The following PITPNM2 variants were observed in gnomAD, a reference collection of about 807,000 sequenced individuals.
PITPNM2 encodes membrane-associated phosphatidylinositol transfer protein 2.
Under a neutral mutation model 132.2 loss-of-function variants are expected in PITPNM2, and 35 were observed. The ratio of observed to expected loss-of-function variants is 0.26; its 90% CI spans 0.20 to 0.35. The LOEUF is 0.35. Ranked by LOEUF, PITPNM2 falls within the 10% of genes least tolerant of loss-of-function variation. The probability of loss-of-function intolerance (pLI) is 1.00; values close to 1 mark genes in which losing one functional copy is unlikely to be tolerated. For synonymous variants in PITPNM2, 738 were observed against 799.2 expected (o/e 0.92, Z 1.29); for missense variants, 1,332 against 1,912.0 (o/e 0.70, Z 5.66).
chr12:123,054,302 C>T (rs967911484), intron 2 of PITPNM2, among the ~76,000 whole-genome samples: 6 of 152,098 alleles, frequency 3.9e-5, no homozygotes, highest in African/African-American at 1.4e-4. Context: ...TTTCACTACA[C>T]CTTTTCAGGA....
intron 1 of PITPNM2, among the ~76,000 whole-genome samples, chr12:123,119,601 G>A (rs1406698244): frequency 2.6e-5 from 4 of 151,626 alleles, no homozygotes; most frequent in East Asian, 3.9e-4. Flanking sequence ...CTCGTGATCC[G>A]CCCGCCTCGG....
intron 2 of PITPNM2, among the ~76,000 whole-genome samples, chr12:123,057,960 C>T (rs1009662870): frequency 6.6e-6 from 1 of 152,182 alleles, no homozygotes; most frequent in African/African-American, 2.4e-5. Context: ...ATGTGACCCT[C>T]CGTGCCAGCT....
chr12:123,040,726 T>A (rs1032508964), intron 2 of PITPNM2, among the ~76,000 whole-genome samples: 5 of 152,212 alleles, frequency 3.3e-5, no homozygotes, highest in East Asian at 1.9e-4. Flanking sequence ...GATACTTTTT[T>A]AAAAAAAGAT....
intron 2 of PITPNM2, among the ~76,000 whole-genome samples, chr12:123,101,298 A>T (rs1426471491): frequency 6.6e-6 from 1 of 152,198 alleles, no homozygotes; most frequent in East Asian, 1.9e-4. Context: ...GATGCAGGAC[A>T]AGGTCCCTCC....
At chr12:122,989,265 C>T (rs966627621) in intron 18 of PITPNM2, among the ~76,000 whole-genome samples, 2 of 152,196 alleles carry the variant, frequency 1.3e-5, no homozygotes, top group Non-Finnish European at 1.5e-5. Context: ...GGAAAGGCGG[C>T]ACAGAGATGG....
In PITPNM2 at chr12:123,036,673, C is replaced by T. The variant is rs993570105; in HGVS notation, c.-95-1988G>A. On this transcript the variant is annotated intron_variant, in intron 2 of 25. Transcript: ENST00000320201. The surrounding 1 kb of genome is among the most constrained non-coding windows in gnomAD (Gnocchi z 4.1). ...GATAAGATAACCCTGGATCCCAGAC[C>T]CCAACTGCCCCTTGGAGGTCTCTGA... Among the ~76,000 whole-genome samples the T allele has an allele frequency of 3.3e-5, 5 of 152,206 alleles. No homozygotes were observed. The highest frequency in any genetic ancestry group is 5.9e-5 in the Non-Finnish European group (4 of 68,038).
intron 1 of PITPNM2, among the ~76,000 whole-genome samples, chr12:123,126,554 C>A (rs2043145522): frequency 6.6e-6 from 1 of 152,128 alleles, no homozygotes; most frequent in South Asian, 2.1e-4. Context: ...TTAAAAGTAG[C>A]AAAACCACAC....
intron 20 of PITPNM2, 61 bp from the exon 21 acceptor site, chr12:122,987,962 C>T: frequency 6.9e-7 from 1 of 1,446,624 alleles, no homozygotes. Flanking sequence ...TCCCTGTGTT[C>T]TGCTCAAGCT....
chr12:123,076,506 A>G (rs1442965134), intron 2 of PITPNM2, among the ~76,000 whole-genome samples: 3 of 152,220 alleles, frequency 2.0e-5, no homozygotes, highest in African/African-American at 7.2e-5. Context: ...TCTGACAGAG[A>G]GAATGCTGAA....
At chr12:123,003,046 T>C (rs978061771) in intron 8 of PITPNM2, among the ~76,000 whole-genome samples, 2 of 152,156 alleles carry the variant, frequency 1.3e-5, no homozygotes, top group Non-Finnish European at 2.9e-5. Flanking sequence ...GCCTAATACA[T>C]TACTGTTAAC....
rs760798163 is a variant in PITPNM2 at position 122,995,497 on chromosome 12, G to C, written c.1946C>G (p.Pro649Arg). ...RHLSRSNVDI[P>R]RSNGTEDPKR... ...GGGGTCCTCAGTGCCGTTGCTGCGG[G>C]GGATGTCGACGTTGCTTCGGCTCAG... Residue 649 changes from proline (P) to arginine (R), a missense_variant, in exon 14 of 26, where the codon CCC (proline) becomes CGC (arginine). Around this residue, in one of 6 missense-constraint regions of PITPNM2, gnomAD observed 710 missense variants for 911.5 expected, o/e 0.78. Coordinates refer to ENST00000320201, the MANE Select transcript of PITPNM2 (RefSeq NM_020845.3). 6.2e-7 allele frequency: 1 copy of C among 1,613,840 alleles called. No homozygotes were observed.
chr12:123,147,799 CCT>C (rs1226982436), intron 1 of PITPNM2, among the ~76,000 whole-genome samples: 1 of 152,278 alleles, frequency 6.6e-6, no homozygotes, highest in East Asian at 1.9e-4. Context: ...AGTTAGTTGA[CCT>C]CTCTGTGTGT....
chr12:123,001,414 G>C (rs2038671650), intron 8 of PITPNM2, among the ~76,000 whole-genome samples: 1 of 152,228 alleles, frequency 6.6e-6, no homozygotes, highest in South Asian at 2.1e-4. Context: ...TCTAATTCCA[G>C]AACATCTCAC....
chr12:123,016,289 G>A (rs1370673396), intron 3 of PITPNM2, among the ~76,000 whole-genome samples: 1 of 151,346 alleles, frequency 6.6e-6, no homozygotes, highest in Non-Finnish European at 1.5e-5. Context: ...TCGCGCCACT[G>A]CAGTCCAGCC....
intron 2 of PITPNM2, among the ~76,000 whole-genome samples, chr12:123,051,723 G>A (rs2040861316): frequency 6.6e-6 from 1 of 152,114 alleles, no homozygotes; most frequent in Non-Finnish European, 1.5e-5. Flanking sequence ...CTCACTTTCT[G>A]TGGAAGATAT....
intron 2 of PITPNM2, among the ~76,000 whole-genome samples, chr12:123,100,028 T>C (rs559441786): frequency 6.6e-6 from 1 of 152,308 alleles, no homozygotes; most frequent in South Asian, 2.1e-4. Flanking sequence ...CACCTACTCC[T>C]TTCTTCCACA....
rs1041973443 is a variant in PITPNM2 at position 122,994,651 on chromosome 12, G to A, written c.2233+150C>T. The A allele has an allele frequency of 1.1e-6, 1 of 876,268 alleles. No homozygotes were observed. Among genetic ancestry groups the A allele is most frequent in the Admixed American group, 3.0e-5 (1 of 32,862 alleles). 54.3% of individuals were successfully genotyped at this position (876,268 alleles called of 1,614,324 possible). Reference sequence around the variant, plus strand: ...ACTGAGCTGCTGAAGCAGGAGCAGAGGATAGCAAGGGGCCCTTGGTGGGGA... The same window carrying A: ...ACTGAGCTGCTGAAGCAGGAGCAGAAGATAGCAAGGGGCCCTTGGTGGGGA... On this transcript the variant is annotated intron_variant, in intron 15 of 25. Transcript: ENST00000320201. This position sits in a 1 kb window ranked among gnomAD's most constrained non-coding sequence, Gnocchi z 5.4.
At chr12:123,034,796 G>A in intron 2 of PITPNM2, 111 bp from the exon 3 acceptor site, 1 of 555,672 alleles carries the variant, frequency 1.8e-6, no homozygotes, top group Non-Finnish European at 3.2e-6. Flanking sequence ...TGTGGCCTCT[G>A]ATCAGGCATG....
chr12:123,001,014 C>T (rs546446948), intron 9 of PITPNM2, 40 bp downstream of exon 9: 18 of 1,583,770 alleles, frequency 1.1e-5, no homozygotes, highest in Middle Eastern at 1.7e-4. Context: ...GCCCTGCAAC[C>T]GCCCTCCCCA....
Sources: gnomAD v4.1 joint callset for allele counts (sites outside exome capture counted in the v4.1 genomes callset) on GRCh38, gnomAD v4.1.1 for gene constraint, gnomAD v4.1.1 regional missense constraint, Gnocchi (gnomAD v3.1) non-coding constraint, MANE v1.5 for transcripts, NCBI Gene and HGNC (gene_info 2026-07-23, HGNC 2026-07-21) for gene names.